The following ZZEF1 variants were observed in gnomAD, a reference collection of about 807,000 sequenced individuals.
ZZEF1 encodes the protein zinc finger ZZ-type and EF-hand domain containing 1.
A neutral mutation model predicts 342.8 loss-of-function variants in ZZEF1; 157 were observed. That is an observed-to-expected ratio of 0.46 (90% CI 0.40 to 0.52). The LOEUF is 0.52. Among genes scored for constraint, ZZEF1 ranks in the 20% least tolerant of loss-of-function variants. The probability of loss-of-function intolerance (pLI) is 0.00; values close to 1 mark genes in which losing one functional copy is unlikely to be tolerated. For missense variants in ZZEF1, 3,480 were observed against 3,725.6 expected, an observed-to-expected ratio of 0.93 and a Z score of 1.72; for synonymous variants, 1,505 against 1,429.1, an observed-to-expected ratio of 1.05 and a Z score of -1.20.
chr17:4,088,830 A>G lies in ZZEF1; in HGVS notation c.2089T>C (p.Leu697=), dbSNP rs775668190. Residue 697 remains leucine, a synonymous_variant, in exon 13 of 55, where the codon TTG becomes CTG. Transcript: ENST00000381638. Reference sequence around the variant, plus strand: ...GGCCGGAGGTACCCACTGATGGTCAAGCCTTGCACTCCCAAGCGCTCTGCT... The same window carrying G: ...GGCCGGAGGTACCCACTGATGGTCAGGCCTTGCACTCCCAAGCGCTCTGCT... The part of the protein sequence containing the change: ...ESAERLGVQG[L]TISGYLRPAR... 24 of 1,614,044 alleles carry G rather than the reference A, an allele frequency of 1.5e-5. No homozygotes were observed. The highest frequency in any genetic ancestry group is 1.3e-4 in the Admixed American group (8 of 59,996).
At chr17:4,132,848 C>T (rs1453689061) in intron 1 of ZZEF1, among the ~76,000 whole-genome samples, 2 of 151,928 alleles carry the variant, frequency 1.3e-5, no homozygotes, top group Non-Finnish European at 2.9e-5. Context: ...CGCCTGTAGT[C>T]CCAGCTACTC....
intron 39 of ZZEF1, among the ~76,000 whole-genome samples, chr17:4,040,156 A>G (rs1396803124): frequency 6.6e-6 from 1 of 152,212 alleles, no homozygotes; most frequent in African/African-American, 2.4e-5. Flanking sequence ...GGTCCGGATG[A>G]AAAGGACTGT....
At chr17:4,109,930 T>C (rs2058270273) in intron 5 of ZZEF1, 67 bp from the exon 6 acceptor site, 1 of 1,509,696 alleles carries the variant, frequency 6.6e-7, no homozygotes, top group African/African-American at 1.4e-5. Flanking sequence ...GGCTCCCAAC[T>C]AAAAGCAAAA....
At chr17:4,082,357 A>C in intron 17 of ZZEF1, 80 bp downstream of exon 17, 1 of 1,429,762 alleles carries the variant, frequency 7.0e-7, no homozygotes, top group Non-Finnish European at 9.7e-7. Flanking sequence ...TCGAAGGCAC[A>C]TGAAAGGAAG....
intron 42 of ZZEF1, among the ~76,000 whole-genome samples, chr17:4,027,227 C>A (rs74877944): frequency 0.059 from 8,810 of 148,542 alleles, 369 homozygotes; most frequent in South Asian, 0.12. Flanking sequence ...GTGATCCTGT[C>A]TTGCCTCCCA....
Position 4,090,808 on chromosome 17 carries a change from G to A in ZZEF1, c.1936C>T (p.Leu646Phe), listed in dbSNP as rs938956772. The A allele has an allele frequency of 6.2e-7, 1 of 1,614,044 alleles. No individual in the cohort carries two copies. Among genetic ancestry groups the A allele is most frequent in the South Asian group, 1.1e-5 (1 of 91,082 alleles). The change falls in exon 12 of 55, where the codon CTT (leucine) becomes TTT (phenylalanine). Residue 646 changes from leucine (L) to phenylalanine (F), a missense_variant. Physicochemically the swap from Leu to Phe is conservative, Grantham distance 22 (BLOSUM62 0). Coordinates refer to ENST00000381638, the MANE Select transcript of ZZEF1 (RefSeq NM_015113.4). ...KSRIGCSSDDLGEDDPIGWFE... is the reference protein window; with the variant it reads ...KSRIGCSSDDFGEDDPIGWFE... ...CAGCCAATAGGATCATCCTCTCCAA[G>A]GTCATCAGATGAGCAACCAATCCTG...
At chr17:4,126,688 C>G (rs1038618793) in intron 1 of ZZEF1, among the ~76,000 whole-genome samples, 1 of 152,152 alleles carries the variant, frequency 6.6e-6, no homozygotes, top group African/African-American at 2.4e-5. Context: ...GGTGTGCTGG[C>G]TCATGTCTAT....
intron 42 of ZZEF1, among the ~76,000 whole-genome samples, chr17:4,029,845 G>C (rs568263475): frequency 2.0e-4 from 28 of 143,510 alleles, no homozygotes; most frequent in Admixed American, 2.9e-4. Context: ...ATGCACTCCA[G>C]CCTGGGCAAC....
intron 1 of ZZEF1, among the ~76,000 whole-genome samples, chr17:4,140,622 CCT>C (rs1414183730): frequency 1.3e-5 from 2 of 152,296 alleles, no homozygotes; most frequent in East Asian, 1.9e-4. Flanking sequence ...TGCCACAACC[CCT>C]GAGTGATTTC....
At chr17:4,060,588 CA>C (rs2057265152) in intron 30 of ZZEF1, among the ~76,000 whole-genome samples, 4 of 143,726 alleles carry the variant, frequency 2.8e-5, no homozygotes, top group Non-Finnish European at 6.1e-5. Flanking sequence ...CAACAAAAAA[CA>C]AACAAAAAAA....
chr17:4,029,027 T>G (rs1158327017), intron 42 of ZZEF1, among the ~76,000 whole-genome samples: 1 of 152,248 alleles, frequency 6.6e-6, no homozygotes, highest in African/African-American at 2.4e-5. Flanking sequence ...GAAACTTCTA[T>G]AGTCCTCTCT....
At chr17:4,079,590 T>C (rs1011535648) in intron 18 of ZZEF1, among the ~76,000 whole-genome samples, 2 of 152,178 alleles carry the variant, frequency 1.3e-5, no homozygotes, top group Non-Finnish European at 2.9e-5. Flanking sequence ...AAATAGAGCA[T>C]AGTTTTTTAA....
chr17:4,017,940 T>G lies in ZZEF1; in HGVS notation c.7537A>C (p.Arg2513=), dbSNP rs1184436042. The part of the protein sequence containing the change: ...FDGDELTTDE[R]IRSLAQRWQP... ...CACCGCTGAGCCAGGGACCGTATCC[T>G]TTCATCTGTGGTGAGCTCATCACCA... Residue 2513 remains arginine, a synonymous_variant, in exon 47 of 55, where the codon AGG becomes CGG. Coordinates refer to ENST00000381638, the MANE Select transcript of ZZEF1 (RefSeq NM_015113.4). This position sits in a 1 kb window ranked among gnomAD's most constrained non-coding sequence, Gnocchi z 5.1. The G allele has an allele frequency of 1.2e-6, 2 of 1,613,914 alleles. No individual in the cohort carries two copies. The highest frequency in any genetic ancestry group is 2.7e-5 in the African/African-American group (2 of 74,944).
chr17:4,099,080 AG>A (rs2058084798), intron 9 of ZZEF1, among the ~76,000 whole-genome samples: 1 of 152,248 alleles, frequency 6.6e-6, no homozygotes, highest in Non-Finnish European at 1.5e-5. Flanking sequence ...AGAATCGGAT[AG>A]ACTCTTTTAA....
chr17:4,113,337 C>T (rs1246170855), intron 4 of ZZEF1, among the ~76,000 whole-genome samples: 1 of 152,098 alleles, frequency 6.6e-6, no homozygotes, highest in Non-Finnish European at 1.5e-5. Context: ...GATTCTTGAC[C>T]ACACTATTTC....
Position 4,013,518 on chromosome 17 carries a change from C to G in ZZEF1, c.8510G>C (p.Arg2837Pro). 6.2e-7 allele frequency: 1 copy of G among 1,614,012 alleles called. No individual in the cohort carries two copies. The highest frequency in any genetic ancestry group is 8.5e-7 in the Non-Finnish European group (1 of 1,179,940). ...TTTTAATCGTTGATGGCCAGTCTGG[C>G]GACAGGCCACGCCCACCAGCCATTC... ...IWEWLVGVAC[R>P]QTGHQRLKAI... Residue 2837 changes from arginine to proline, a missense_variant, in exon 52 of 55, where the codon CGC (arginine) becomes CCC (proline). Physicochemically the swap from Arg to Pro is moderately radical, Grantham distance 103 (BLOSUM62 -2). Around this residue, in one of 5 missense-constraint regions of ZZEF1, gnomAD observed 1,269 missense variants for 1,342.4 expected, o/e 0.95. Transcript: ENST00000381638.
At chr17:4,028,130 T>C (rs1325080687) in intron 42 of ZZEF1, among the ~76,000 whole-genome samples, 4 of 152,356 alleles carry the variant, frequency 2.6e-5, no homozygotes, top group African/African-American at 4.8e-5. Context: ...CTTCAGATAA[T>C]AGTATACCAT....
At chr17:4,049,619 C>A in intron 37 of ZZEF1, 89 bp downstream of exon 37, 1 of 1,516,106 alleles carries the variant, frequency 6.6e-7, no homozygotes, top group Non-Finnish European at 9.0e-7. Context: ...GGAGTCTGTG[C>A]TCTTAACCTC....
At chr17:4,043,778 G>T (rs1330672985) in intron 38 of ZZEF1, among the ~76,000 whole-genome samples, 2 of 152,164 alleles carry the variant, frequency 1.3e-5, no homozygotes, top group Non-Finnish European at 2.9e-5. Context: ...AGGTCCCCTA[G>T]ATCTCTTCCT....
Sources: gnomAD v4.1 joint callset for allele counts (sites outside exome capture counted in the v4.1 genomes callset) on GRCh38, gnomAD v4.1.1 for gene constraint, gnomAD v4.1.1 regional missense constraint, Gnocchi (gnomAD v3.1) non-coding constraint, MANE v1.5 for transcripts, NCBI Gene and HGNC (gene_info 2026-07-23, HGNC 2026-07-21) for gene names.